GUCY1A2: variants seen among roughly 807,000 people sequenced by gnomAD.
GUCY1A2 encodes the protein guanylate cyclase 1 soluble subunit alpha 2.
A neutral mutation model predicts 63.5 loss-of-function variants in GUCY1A2; 27 were observed. The ratio of observed to expected loss-of-function variants is 0.43; its 90% confidence interval spans 0.31 to 0.59. The LOEUF is 0.59. Among genes scored for constraint, GUCY1A2 ranks in the 20% least tolerant of loss-of-function variants. GUCY1A2 has a pLI of 0.11. For missense variants in GUCY1A2, 768 were observed against 913.3 expected, an observed-to-expected ratio of 0.84 and a Z score of 2.05; for synonymous variants, 364 against 343.5, an observed-to-expected ratio of 1.06 and a Z score of -0.66.
At chr11:106,800,390 A>G (rs528037908) in intron 5 of GUCY1A2, among the ~76,000 whole-genome samples, 6 of 152,316 alleles carry the variant, frequency 3.9e-5, no homozygotes, top group South Asian at 2.1e-4. Flanking sequence ...ATTACTGGGT[A>G]TATGCCCAAA....
At chr11:106,806,870 A>G (rs2135422323) in intron 5 of GUCY1A2, among the ~76,000 whole-genome samples, 1 of 152,294 alleles carries the variant, frequency 6.6e-6, no homozygotes, top group African/African-American at 2.4e-5. Flanking sequence ...ATTATGTCTT[A>G]ATTTATCTGA....
In GUCY1A2 at chr11:106,810,106, T is replaced by C. The variant is rs1858743790; in HGVS notation, c.1579A>G (p.Ile527Val). 1 of 1,613,836 alleles carries C rather than the reference T, an allele frequency of 6.2e-7. No individual in the cohort carries two copies. Among genetic ancestry groups the C allele is most frequent in the African/African-American group, 1.3e-5 (1 of 74,918 alleles). ...GCACATATGGCTGTGAAGCCAACAA[T>C]GTCTGAAAAGAGCATGGTGACATCA... ...FDDVTMLFSD[I>V]VGFTAICAQC... The change falls in exon 5 of 8, where the codon ATT becomes GTT. Residue 527 changes from isoleucine (I) to valine (V), a missense_variant. By Grantham distance (29) the Ile-to-Val change is conservative (BLOSUM62 3). Transcript: ENST00000526355.
At chr11:106,962,037 C>G (rs1277929433) in intron 3 of GUCY1A2, among the ~76,000 whole-genome samples, 9 of 152,140 alleles carry the variant, frequency 5.9e-5, no homozygotes, top group African/African-American at 2.2e-4. Context: ...AAGTTAAGTC[C>G]AATAAAGTTC....
intron 5 of GUCY1A2, among the ~76,000 whole-genome samples, chr11:106,794,910 A>G (rs1864727029): frequency 6.6e-6 from 1 of 152,174 alleles, no homozygotes. Context: ...TCCTAAAGAC[A>G]TTCTCTCTGA....
At chr11:106,978,201 T>C (rs568669647) in intron 3 of GUCY1A2, among the ~76,000 whole-genome samples, 20 of 152,204 alleles carry the variant, frequency 1.3e-4, no homozygotes, top group South Asian at 2.1e-4. Flanking sequence ...GAAAGGAACA[T>C]TGGATTGTAG....
rs559945897 is a variant in GUCY1A2, at chr11:106,794,155, GAAATATTCAGCCATAATAAAGAACA to G, written c.1692+15813_1692+15837del. 1.9e-3 allele frequency among the ~76,000 whole-genome samples: 296 copies of G among 151,824 alleles called. 1 individual carries two copies. The highest frequency in any genetic ancestry group is 0.014 in the Middle Eastern group (4 of 292). Reference sequence around the variant, plus strand: ...ACACACACACACAGATGTATGTAAAGAAATATTCAGCCATAATAAAGAACAAAATCCTGCCATTTGTGGATGAATC... The same window carrying G: ...ACACACACACACAGATGTATGTAAAGAAATCCTGCCATTTGTGGATGAATC... On this transcript the variant is annotated intron_variant, in intron 5 of 7. Coordinates refer to ENST00000526355, the MANE Select transcript of GUCY1A2 (RefSeq NM_000855.3).
chr11:106,935,329 T>C (rs1459206022), intron 4 of GUCY1A2, among the ~76,000 whole-genome samples: 1 of 152,218 alleles, frequency 6.6e-6, no homozygotes, highest in Non-Finnish European at 1.5e-5. Flanking sequence ...TGAACATTTA[T>C]GCAGTGCTTA....
chr11:107,017,025 G>A (rs1861832909), intron 1 of GUCY1A2, among the ~76,000 whole-genome samples: 2 of 151,462 alleles, frequency 1.3e-5, no homozygotes, highest in Admixed American at 6.6e-5. Flanking sequence ...TGTAACCCGG[G>A]ACTTTAAATT....
intron 4 of GUCY1A2, among the ~76,000 whole-genome samples, chr11:106,812,139 C>T (rs770204186): frequency 3.9e-4 from 60 of 151,930 alleles, no homozygotes; most frequent in Non-Finnish European, 8.1e-4. Flanking sequence ...AAGGAAGAAA[C>T]ACATAATGTA....
At chr11:106,728,797 A>G (rs1306475240) in intron 6 of GUCY1A2, among the ~76,000 whole-genome samples, 2 of 152,182 alleles carry the variant, frequency 1.3e-5, no homozygotes, top group Non-Finnish European at 2.9e-5. Context: ...AGGAGGGACT[A>G]TCTCTATTTA....
At position 106,692,574 on chromosome 11, in the gene GUCY1A2, G is replaced by T. The variant is rs567041006; in HGVS notation, c.1992-4818C>A. On this transcript the variant is annotated intron_variant, in intron 7 of 7. Transcript: ENST00000526355. ...GTGCTCTGTCCTACATCCTACCTTGGGAAAGGGTCTGACACTTATTCATAC... is the reference window on the plus strand; with the variant it reads ...GTGCTCTGTCCTACATCCTACCTTGTGAAAGGGTCTGACACTTATTCATAC... Among the ~76,000 whole-genome samples the T allele has an allele frequency of 5.3e-5, 8 of 151,992 alleles. No homozygotes were observed. The South Asian group carries it at 1.0e-3, about 20-fold the overall frequency.
chr11:107,011,906 T>C (rs1861751537), intron 1 of GUCY1A2, among the ~76,000 whole-genome samples: 1 of 152,100 alleles, frequency 6.6e-6, no homozygotes, highest in African/African-American at 2.4e-5. Context: ...TCAAGGCCTT[T>C]GAACACACAT....
At chr11:106,863,433 A>G (rs111878824) in intron 4 of GUCY1A2, among the ~76,000 whole-genome samples, 24,872 of 152,072 alleles carry the variant, frequency 0.16, 2,457 homozygotes, top group East Asian at 0.28. Flanking sequence ...AGGTTTGTCA[A>G]AGATCAGATG....
At chr11:106,821,118 T>A (rs1240605295) in intron 4 of GUCY1A2, among the ~76,000 whole-genome samples, 1 of 152,174 alleles carries the variant, frequency 6.6e-6, no homozygotes, top group Non-Finnish European at 1.5e-5. Flanking sequence ...CACAGCAGGA[T>A]TCATATAATA....
intron 6 of GUCY1A2, among the ~76,000 whole-genome samples, chr11:106,750,687 TAAC>T (rs1490302896): frequency 1.3e-5 from 2 of 151,896 alleles, no homozygotes; most frequent in Non-Finnish European, 2.9e-5. Flanking sequence ...AATTACCCCA[TAAC>T]TAAGGGATTT....
intron 4 of GUCY1A2, among the ~76,000 whole-genome samples, chr11:106,900,127 T>A (rs1381385545): frequency 2.0e-5 from 3 of 148,952 alleles, no homozygotes; most frequent in Non-Finnish European, 3.0e-5. Context: ...ATGTAGCCAA[T>A]CAATGTAAGA....
intron 4 of GUCY1A2, among the ~76,000 whole-genome samples, chr11:106,927,430 G>C (rs1221310965): frequency 1.3e-5 from 2 of 151,900 alleles, no homozygotes; most frequent in African/African-American, 4.8e-5. Context: ...AATTTATTAG[G>C]TACTATTTAT....
At chr11:106,877,340 A>G (rs895125444) in intron 4 of GUCY1A2, among the ~76,000 whole-genome samples, 4 of 152,056 alleles carry the variant, frequency 2.6e-5, no homozygotes, top group Non-Finnish European at 5.9e-5. Context: ...TTCTCTGGCC[A>G]GGACTAAGCA....
chr11:106,692,850 G>A (rs777752691), intron 7 of GUCY1A2, among the ~76,000 whole-genome samples: 11 of 152,218 alleles, frequency 7.2e-5, no homozygotes, highest in East Asian at 3.9e-4. Context: ...TTTTATTTGC[G>A]AATTTGCCCC....
Sources: allele counts gnomAD v4.1 joint callset (sites outside exome capture counted in the v4.1 genomes callset), GRCh38; gene constraint gnomAD v4.1.1; transcripts MANE v1.5; gene names NCBI Gene and HGNC (gene_info 2026-07-23, HGNC 2026-07-21).